Variants in DDX60 observed in about 807,000 individuals in gnomAD.
DDX60 encodes DExD/H-box helicase 60, also known as probable ATP-dependent RNA helicase DDX60.
Under a neutral mutation model 212.8 loss-of-function variants are expected in DDX60, and 165 were observed. The observed-to-expected ratio is 0.78, with a 90% CI of 0.68 to 0.88. The LOEUF is 0.88. Ranked by LOEUF, DDX60 falls within the 40% of genes least tolerant of loss-of-function variation. DDX60 has a pLI of 0.00. For synonymous variants in DDX60, 703 were observed against 685.3 expected, an observed-to-expected ratio of 1.03 and a Z score of -0.40; for missense variants, 1,905 against 2,003.9, an observed-to-expected ratio of 0.95 and a Z score of 0.94.
Position 168,280,607 on chromosome 4 carries a change from A to G in DDX60, c.1723-17T>C, listed in dbSNP as rs1735551058. ...CTTGGTCTCCTGCCCCAAAGGAAAA[A>G]ACATCTCTTAAGACAAGTTGAAAAT... On this transcript the variant is annotated splice_polypyrimidine_tract_variant and intron_variant, in intron 13 of 37. Coordinates refer to ENST00000393743, the MANE Select transcript of DDX60 (RefSeq NM_017631.6). 2.5e-6 allele frequency: 4 copies of G among 1,592,786 alleles called. No homozygotes were observed. Among genetic ancestry groups the G allele is most frequent in the East Asian group, 2.2e-5 (1 of 44,742 alleles).
intron 3 of DDX60, among the ~76,000 whole-genome samples, chr4:168,310,261 T>C (rs966010884): frequency 1.3e-5 from 2 of 152,076 alleles, no homozygotes; most frequent in African/African-American, 4.8e-5. Context: ...CATAAGAACC[T>C]TTAAGGCTCA....
intron 9 of DDX60, 93 bp downstream of exon 9, chr4:168,288,081 G>A (rs2149532194): frequency 2.4e-6 from 2 of 828,716 alleles, no homozygotes; most frequent in East Asian, 6.0e-5. Context: ...TATGTTATAT[G>A]TTGGAAGTAC....
chr4:168,292,001 C>A (rs1456177791), intron 7 of DDX60, 95 bp from the exon 8 acceptor site: 3 of 734,452 alleles, frequency 4.1e-6, no homozygotes, highest in African/African-American at 1.9e-5. Flanking sequence ...GCTACCTTTG[C>A]TGTTCAGGAA....
chr4:168,250,935 A>G lies in DDX60; in HGVS notation c.3858+19T>C, dbSNP rs770914099. ...AACAGTCACAATTTCAATTTTTAGA[A>G]TGAAGAAAATTCACCTACCCTAAGA... is the stretch of plus-strand genomic sequence containing the variant. On this transcript the variant is annotated intron_variant, in intron 28 of 37. Coordinates refer to ENST00000393743, the MANE Select transcript of DDX60 (RefSeq NM_017631.6). The G allele has an allele frequency of 6.5e-7, 1 of 1,546,922 alleles. No homozygotes were observed. Among genetic ancestry groups the G allele is most frequent in the Non-Finnish European group, 8.8e-7 (1 of 1,139,378 alleles).
At position 168,285,030 on chromosome 4, in the gene DDX60, C is replaced by T. The variant is rs1052991027; in HGVS notation, c.1446-95G>A. 6 of 634,492 alleles carry T rather than the reference C, an allele frequency of 9.5e-6. No homozygotes were observed. In the Admixed American group the frequency reaches 1.3e-4, roughly 14 times the overall value. 39.3% of individuals were successfully genotyped at this position (634,492 alleles called of 1,614,324 possible). A position where few individuals can be genotyped will look rare whatever the true frequency, so the allele number is the denominator to read the frequency against. ...ATAATGTTTTTGAAAATCATAGTTC[C>T]CCTTCTTCTTTCTGCAATATGATGT... On this transcript the variant is annotated intron_variant, in intron 11 of 37. Transcript: ENST00000393743.
upstream of DDX60, among the ~76,000 whole-genome samples, chr4:168,323,346 T>C (rs1333469566): frequency 6.6e-6 from 1 of 152,178 alleles, no homozygotes; most frequent in Non-Finnish European, 1.5e-5. Flanking sequence ...GGCACTGGTA[T>C]AGGGAGTGCG....
At chr4:168,276,242 A>G (rs1735336747) in intron 14 of DDX60, 61 bp from the exon 15 acceptor site, 1 of 1,372,848 alleles carries the variant, frequency 7.3e-7, no homozygotes, top group Admixed American at 2.1e-5. Flanking sequence ...TCATTTGATT[A>G]CCCAAGATTA....
At chr4:168,257,963 G>T (rs1195307917) in intron 25 of DDX60, among the ~76,000 whole-genome samples, 1 of 152,158 alleles carries the variant, frequency 6.6e-6, no homozygotes, top group Non-Finnish European at 1.5e-5. Context: ...TTACTGGGTG[G>T]GTGTTCTTTC....
chr4:168,250,553 C>G (rs1176964557), intron 28 of DDX60, among the ~76,000 whole-genome samples: 1 of 141,482 alleles, frequency 7.1e-6, no homozygotes, highest in Non-Finnish European at 1.5e-5. Context: ...GAGACAAAGT[C>G]TTGCTCTTGT....
chr4:168,229,489 G>T (rs1038665197), intron 33 of DDX60, among the ~76,000 whole-genome samples: 8 of 151,996 alleles, frequency 5.3e-5, no homozygotes, highest in Non-Finnish European at 7.4e-5. Flanking sequence ...CAAACACAAA[G>T]TTTCCTGGAC....
At chr4:168,312,971 T>A (rs377759817) in intron 1 of DDX60, among the ~76,000 whole-genome samples, 1 of 152,122 alleles carries the variant, frequency 6.6e-6, no homozygotes, top group South Asian at 2.1e-4. Context: ...ACTATCTTAT[T>A]TCAAAGATTA....
In DDX60 at chr4:168,222,022, C is replaced by T. The variant is rs1733070234; in HGVS notation, c.4825-141G>A. ...ACTGTGAAGTAAGAGGGTGCCTTAG[C>T]CACACATTGTGGTAGCACCATCCTA... On this transcript the variant is annotated intron_variant, in intron 35 of 37. Coordinates refer to ENST00000393743, the MANE Select transcript of DDX60 (RefSeq NM_017631.6). The T allele has an allele frequency of 4.6e-6, 4 of 862,504 alleles. No homozygotes were observed. In the South Asian group the frequency reaches 6.0e-5, roughly 13 times the overall value. The allele number at this position is 862,504 out of a possible 1,614,324, so 53.4% of individuals were successfully genotyped here. A position where few individuals can be genotyped will look rare whatever the true frequency, so the allele number is the denominator to read the frequency against.
intron 37 of DDX60, among the ~76,000 whole-genome samples, chr4:168,218,592 G>A (rs565268346): frequency 6.4e-4 from 97 of 152,032 alleles, no homozygotes; most frequent in African/African-American, 1.7e-3. Context: ...CTGTCTACAC[G>A]TTGCTCAAAA....
At chr4:168,232,035 T>C (rs1733472937) in intron 33 of DDX60, among the ~76,000 whole-genome samples, 1 of 152,030 alleles carries the variant, frequency 6.6e-6, no homozygotes, top group Non-Finnish European at 1.5e-5. Context: ...ACAAAATTAA[T>C]GTACACAAAT....
rs371472482 is a variant in DDX60, at chr4:168,293,887, C to A, written c.782G>T (p.Arg261Leu). 9 of 1,613,822 alleles carry A rather than the reference C, an allele frequency of 5.6e-6. No homozygotes were observed. The highest frequency in any genetic ancestry group is 4.5e-5 in the East Asian group (2 of 44,876). Residue 261 changes from arginine to leucine, a missense_variant, in exon 7 of 38, where the codon CGT becomes CTT. Physicochemically the swap from Arg to Leu is moderately radical, Grantham distance 102. Coordinates refer to ENST00000393743, the MANE Select transcript of DDX60 (RefSeq NM_017631.6). ...QVWPEGSDIR[R>L]VFCVTSCSLS... The stretch of plus-strand genomic sequence containing the variant: ...TGAGCATGAAGTAACACAAAAGACA[C>A]GCCGAATGTCAGATCCTTCTGGCCA...
rs142610127 is a variant in DDX60, at chr4:168,237,752, G to C, written c.4208C>G (p.Pro1403Arg). The C allele has an allele frequency of 4.3e-6, 7 of 1,611,728 alleles. No individual in the cohort carries two copies. The highest frequency in any genetic ancestry group is 2.7e-5 in the African/African-American group (2 of 74,820). The change falls in exon 31 of 38, where the codon CCC becomes CGC. Residue 1403 changes from proline (P) to arginine (R), a missense_variant. Pro to Arg is a moderately radical substitution (Grantham distance 103, BLOSUM62 -2). Transcript: ENST00000393743. ...AAGTTTTAACATGTCCATGACTCTGGGTTGCTTGAAGGACAGCAATGAATG... is the reference window on the plus strand; with the variant it reads ...AAGTTTTAACATGTCCATGACTCTGCGTTGCTTGAAGGACAGCAATGAATG... The part of the protein sequence containing the change: ...LKHSLLSFKQ[P>R]RVMDMLKLYF...
intron 12 of DDX60, among the ~76,000 whole-genome samples, 183 bp downstream of exon 12, chr4:168,284,637 G>A (rs750357318): frequency 9.2e-5 from 14 of 152,062 alleles, no homozygotes; most frequent in East Asian, 1.9e-4. Flanking sequence ...ACATACGTAC[G>A]ACTGTCAATA....
Position 168,289,509 on chromosome 4 carries a change from C to T in DDX60, c.1042-1194G>A, listed in dbSNP as rs1735995229. ...CCATATCTCTCTTCCAAAATAATTT[C>T]ATCTCTTAGCATAGCATCAATTAAC... On this transcript the variant is annotated intron_variant, in intron 8 of 37. Transcript: ENST00000393743. Among the ~76,000 whole-genome samples the T allele has an allele frequency of 2.6e-5, 4 of 152,310 alleles. No individual in the cohort carries two copies. In the South Asian group the frequency reaches 8.3e-4, roughly 32 times the overall value.
At chr4:168,282,377 T>C (rs1171573465) in intron 13 of DDX60, among the ~76,000 whole-genome samples, 3 of 152,220 alleles carry the variant, frequency 2.0e-5, no homozygotes, top group African/African-American at 7.2e-5. Context: ...AAATGTCCAC[T>C]GAAGGCTTGA....
Sources: allele counts gnomAD v4.1 joint callset (sites outside exome capture counted in the v4.1 genomes callset), GRCh38; gene constraint gnomAD v4.1.1; transcripts MANE v1.5; gene names NCBI Gene and HGNC (gene_info 2026-07-23, HGNC 2026-07-21).